HMCN1: variants seen among roughly 807,000 people sequenced by gnomAD.
HMCN1 encodes the protein hemicentin 1.
HMCN1 carries 321 observed loss-of-function variants against 625.9 expected under a neutral mutation model. The ratio of observed to expected loss-of-function variants is 0.51; its 90% CI spans 0.47 to 0.56. The LOEUF (loss-of-function observed/expected upper bound fraction) is 0.56, where lower values mean the gene tolerates loss of function less well. Among genes scored for constraint, HMCN1 ranks in the 20% least tolerant of loss-of-function variants. The pLI is 0.00. For synonymous variants in HMCN1, 2,425 were observed against 2,417.6 expected (o/e 1.00, Z -0.09); for missense variants, 6,588 against 6,887.3 (o/e 0.96, Z 1.54).
Position 185,993,296 on chromosome 1 carries a change from A to G in HMCN1, c.3492A>G (p.Lys1164=). 1 of 1,612,968 alleles carries G rather than the reference A, an allele frequency of 6.2e-7. No homozygotes were observed. ...CTGGGAATGTGACTCAGGCTGTCAA[A>G]TTAAATGTCCATGGTGAGTCTTGAA... is the stretch of plus-strand genomic sequence containing the variant. ...NIAGNVTQAV[K]LNVHVPPKIQ... The change falls in exon 23 of 107, where the codon AAA becomes AAG. Residue 1164 remains lysine (K), a synonymous_variant. Coordinates refer to ENST00000271588, the MANE Select transcript of HMCN1 (RefSeq NM_031935.3).
intron 106 of HMCN1, among the ~76,000 whole-genome samples, chr1:186,189,302 C>G (rs140685013): frequency 6.6e-6 from 1 of 152,136 alleles, no homozygotes; most frequent in African/African-American, 2.4e-5. Context: ...CTGCAAGATA[C>G]GTATTTGACT....
intron 11 of HMCN1, among the ~76,000 whole-genome samples, chr1:185,959,844 T>C (rs530841683): frequency 2.0e-5 from 3 of 152,276 alleles, no homozygotes; most frequent in African/African-American, 7.2e-5. Context: ...AGTTTGTTAG[T>C]TGGCAAATGA....
chr1:185,857,549 T>C (rs1050519114), intron 2 of HMCN1, among the ~76,000 whole-genome samples: 4 of 152,012 alleles, frequency 2.6e-5, no homozygotes, highest in Non-Finnish European at 5.9e-5. Context: ...ATCATGTTGA[T>C]TATTCATCCT....
In HMCN1 at chr1:186,178,745, G is replaced by A. The variant is rs147894950; in HGVS notation, c.16273G>A (p.Ala5425Thr). Residue 5425 changes from alanine (A) to threonine (T), a missense_variant, in exon 104 of 107, where the codon GCA (alanine) becomes ACA (threonine). Around this residue, in one of 3 missense-constraint regions of HMCN1, gnomAD observed 1,954 missense variants for 2,013.1 expected, o/e 0.97. Transcript: ENST00000271588. The part of the protein sequence containing the change: ...IRKTCPEGSE[A>T]SHDTCVDIDE... ...GAAAACTTGCCCTGAAGGCTCTGAGGCAAGCCATGACACATGTGTAGGTAA... is the reference window on the plus strand; with the variant it reads ...GAAAACTTGCCCTGAAGGCTCTGAGACAAGCCATGACACATGTGTAGGTAA... 21 of 1,611,934 alleles carry A rather than the reference G, an allele frequency of 1.3e-5. No individual in the cohort carries two copies. The highest frequency in any genetic ancestry group is 2.7e-5 in the African/African-American group (2 of 74,970).
In HMCN1 at chr1:186,038,831, A is replaced by G; in HGVS notation, c.5854A>G (p.Ile1952Val). Residue 1952 changes from isoleucine (I) to valine (V), a missense_variant and splice_region_variant, in exon 38 of 107, where the codon ATT (isoleucine) becomes GTT (valine). Ile to Val is a conservative substitution (Grantham distance 29, BLOSUM62 3). This residue lies in a region of HMCN1 where 4,628 missense variants were observed against 4,853.1 expected (regional missense o/e 0.95). Coordinates refer to ENST00000271588, the MANE Select transcript of HMCN1 (RefSeq NM_031935.3). The stretch of plus-strand genomic sequence containing the variant: ...ATCTTCTCCCCTTCTTCTTTCAGTT[A>G]TTACATGGTACAAAGATAATCGTCT... ...CKAAGNPVPV[I>V]TWYKDNRLLS... is the part of the protein sequence containing the mutation. 1 of 1,593,086 alleles carries G rather than the reference A, an allele frequency of 6.3e-7. No individual in the cohort carries two copies. The highest frequency in any genetic ancestry group is 8.6e-7 in the Non-Finnish European group (1 of 1,161,034).
At position 186,174,422 on chromosome 1, in the gene HMCN1, C is replaced by T. The variant is rs561090229; in HGVS notation, c.15815-92C>T. 4.1e-6 allele frequency: 6 copies of T among 1,479,312 alleles called. No individual in the cohort carries two copies. The East Asian group carries it at 1.1e-4, about 28-fold the overall frequency. The allele number at this position is 1,479,312 out of a possible 1,614,324, so 91.6% of individuals were successfully genotyped here. A position where few individuals can be genotyped will look rare whatever the true frequency, so the allele number is the denominator to read the frequency against. ...CTCAACCACTTGGTGAGAAATGCAA[C>T]CTTTGGCAATTCTACAGAATGCTGA... On this transcript the variant is annotated intron_variant, in intron 102 of 106. Coordinates refer to ENST00000271588, the MANE Select transcript of HMCN1 (RefSeq NM_031935.3).
chr1:186,096,227 G>A (rs1660131433), intron 68 of HMCN1, among the ~76,000 whole-genome samples: 1 of 152,122 alleles, frequency 6.6e-6, no homozygotes, highest in South Asian at 2.1e-4. Context: ...TCTTGGTTAG[G>A]TAGAAGTTAG....
intron 4 of HMCN1, among the ~76,000 whole-genome samples, chr1:185,867,550 C>T (rs1399422798): frequency 6.6e-6 from 1 of 152,096 alleles, no homozygotes; most frequent in Non-Finnish European, 1.5e-5. Flanking sequence ...TTGTATATCA[C>T]TTGCTTAGAG....
intron 5 of HMCN1, among the ~76,000 whole-genome samples, chr1:185,911,378 C>T (rs973000148): frequency 2.0e-5 from 3 of 152,006 alleles, no homozygotes; most frequent in Non-Finnish European, 4.4e-5. Flanking sequence ...CATAAGGTTT[C>T]CAATGCCTGG....
At chr1:185,741,995 C>T (rs1027816892) in intron 1 of HMCN1, among the ~76,000 whole-genome samples, 7 of 152,074 alleles carry the variant, frequency 4.6e-5, no homozygotes, top group African/African-American at 1.7e-4. Context: ...TGTCCAACTA[C>T]CGGAATGGTT....
chr1:186,032,861 C>G (rs1029691138), intron 36 of HMCN1, among the ~76,000 whole-genome samples: 6 of 152,164 alleles, frequency 3.9e-5, no homozygotes, highest in Non-Finnish European at 8.8e-5. Context: ...ATGAAGATTC[C>G]TTAAGGAACC....
intron 66 of HMCN1, 33 bp downstream of exon 66, chr1:186,093,702 G>A: frequency 6.2e-7 from 1 of 1,611,612 alleles, no homozygotes; most frequent in Non-Finnish European, 8.5e-7. Flanking sequence ...TTCCTAAACA[G>A]ATGAAGTAAC....
intron 63 of HMCN1, 112 bp from the exon 64 acceptor site, chr1:186,090,646 C>A: frequency 8.0e-7 from 1 of 1,247,240 alleles, no homozygotes; most frequent in Non-Finnish European, 1.2e-6. Context: ...TGACCTTGAA[C>A]CATAATCTAC....
chr1:185,981,113 G>A (rs771266067), intron 17 of HMCN1, 40 bp downstream of exon 17: 7 of 1,179,364 alleles, frequency 5.9e-6, no homozygotes, highest in Admixed American at 3.4e-5. Flanking sequence ...GGTCTTCAAA[G>A]TCATCAGACT....
chr1:185,983,480 A>C (rs1315829125), intron 18 of HMCN1, among the ~76,000 whole-genome samples: 1 of 152,250 alleles, frequency 6.6e-6, no homozygotes, highest in Admixed American at 6.5e-5. Flanking sequence ...ATCTAAGAAA[A>C]TGTAAAATTT....
At chr1:185,849,135 T>G (rs1207754377) in intron 2 of HMCN1, among the ~76,000 whole-genome samples, 3 of 152,016 alleles carry the variant, frequency 2.0e-5, no homozygotes, top group African/African-American at 7.2e-5. Context: ...TCCCATCTAG[T>G]GCCACTCTTT....
At chr1:185,991,033 A>G (rs1296331828) in intron 22 of HMCN1, among the ~76,000 whole-genome samples, 1 of 152,160 alleles carries the variant, frequency 6.6e-6, no homozygotes, top group Non-Finnish European at 1.5e-5. Flanking sequence ...GTCTCTCTGA[A>G]CCTCATATTT....
At chr1:185,749,111 T>C (rs1191711602) in intron 1 of HMCN1, among the ~76,000 whole-genome samples, 1 of 152,214 alleles carries the variant, frequency 6.6e-6, no homozygotes, top group African/African-American at 2.4e-5. Context: ...ACATGAAGCC[T>C]GGATATAGAG....
chr1:185,797,955 G>A (rs1429578202), intron 1 of HMCN1, among the ~76,000 whole-genome samples: 1 of 81,274 alleles, frequency 1.2e-5, no homozygotes, highest in Admixed American at 2.0e-4. Context: ...GACAGAGCGA[G>A]ACTCCGTCTC....
Sources: gnomAD v4.1 joint callset for allele counts (sites outside exome capture counted in the v4.1 genomes callset) on GRCh38, gnomAD v4.1.1 for gene constraint, gnomAD v4.1.1 regional missense constraint, MANE v1.5 for transcripts, NCBI Gene and HGNC (gene_info 2026-07-23, HGNC 2026-07-21) for gene names.